The following AARS1 variants were observed in gnomAD, a reference collection of about 807,000 sequenced individuals.
AARS1 encodes alanine--tRNA ligase, cytoplasmic.
AARS1 carries 72 observed loss-of-function variants against 108.9 expected under a neutral mutation model. The ratio of observed to expected loss-of-function variants is 0.66; its 90% confidence interval spans 0.55 to 0.80. The LOEUF (loss-of-function observed/expected upper bound fraction) is 0.80. Among genes scored for constraint, AARS1 ranks in the 30% least tolerant of loss-of-function variants. The pLI, the probability that AARS1 is intolerant of heterozygous loss-of-function variation, is 0.00. For synonymous variants in AARS1, 489 were observed against 465.7 expected (o/e 1.05, Z -0.64); for missense variants, 1,193 against 1,233.2 (o/e 0.97, Z 0.49).
At chr16:70,272,914 A>G (rs1046504104) in intron 4 of AARS1, among the ~76,000 whole-genome samples, 15 of 151,610 alleles carry the variant, frequency 9.9e-5, no homozygotes, top group African/African-American at 3.4e-4. Context: ...ACACACACAC[A>G]CACACACACA....
chr16:70,267,554 C>A, intron 9 of AARS1, 105 bp downstream of exon 9: 1 of 1,405,126 alleles, frequency 7.1e-7, no homozygotes, highest in South Asian at 1.2e-5. Context: ...AAGCTATGTT[C>A]AGCCTCAGAG....
rs1385044712 is a variant in AARS1, at chr16:70,253,961, C to T, written c.2478G>A (p.Met826Ile). Residue 826 changes from methionine (M) to isoleucine (I), a missense_variant, in exon 18 of 21, where the codon ATG (methionine) becomes ATA (isoleucine). Met to Ile is a conservative substitution (Grantham distance 10). Transcript: ENST00000261772. ...RETLKSLKKVMDDLDRASKAD... is the reference protein window; with the variant it reads ...RETLKSLKKVIDDLDRASKAD... ...CTTTGCTGGCTCGGTCCAAGTCATC[C>T]ATGACCTTCTTTAGGGATTTGAGAG... 1.2e-6 allele frequency: 2 copies of T among 1,614,086 alleles called. No individual in the cohort carries two copies. The highest frequency in any genetic ancestry group is 8.5e-7 in the Non-Finnish European group (1 of 1,180,056).
At position 70,265,775 on chromosome 16, in the gene AARS1, G is replaced by A; in HGVS notation, c.1223-113C>T. ...AGGAATTAAAGACACAAGGCTATCA[G>A]TATCGGCCCTGTGTGCCCATCAGAA... is the stretch of plus-strand genomic sequence containing the variant. On this transcript the variant is annotated intron_variant, in intron 9 of 20. Transcript: ENST00000261772. The A allele has an allele frequency of 5.1e-6, 7 of 1,376,394 alleles. No homozygotes were observed. In the South Asian group the frequency reaches 6.1e-5, roughly 12 times the overall value. The allele number at this position is 1,376,394 out of a possible 1,614,324, so 85.3% of individuals were successfully genotyped here.
chr16:70,267,574 C>A, intron 9 of AARS1, 85 bp downstream of exon 9: 1 of 1,530,936 alleles, frequency 6.5e-7, no homozygotes, highest in Non-Finnish European at 9.0e-7. Flanking sequence ...GACATGAGAG[C>A]CCACAGTCAG....
At chr16:70,280,358 T>C (rs527969355) in intron 2 of AARS1, among the ~76,000 whole-genome samples, 1 of 152,220 alleles carries the variant, frequency 6.6e-6, no homozygotes, top group African/African-American at 2.4e-5. Context: ...CATAATTTTT[T>C]TGGGAGACCA....
At chr16:70,270,729 C>T (rs1960377654) in intron 5 of AARS1, among the ~76,000 whole-genome samples, 1 of 149,330 alleles carries the variant, frequency 6.7e-6, no homozygotes, top group African/African-American at 2.5e-5. Flanking sequence ...CCCAGCTACT[C>T]GGGAGGCTGA....
rs1260063279 is a variant in AARS1, at chr16:70,276,495, T to A, written c.470A>T (p.Gln157Leu). ...EADLECKQIW[Q>L]NLGLDDTKIL... Reference sequence around the variant, plus strand: ...TGATGTGCATTCTTACCCCAAATTTTGCCAGATCTGTTTGCATTCCAGATC... The same window carrying A: ...TGATGTGCATTCTTACCCCAAATTTAGCCAGATCTGTTTGCATTCCAGATC... The change falls in exon 4 of 21, where the codon CAA (glutamine) becomes CTA (leucine). Residue 157 changes from glutamine to leucine, a missense_variant. Transcript: ENST00000261772. The A allele has an allele frequency of 1.2e-6, 2 of 1,614,056 alleles. No individual in the cohort carries two copies.
At chr16:70,268,670 C>T (rs1015740354) in intron 7 of AARS1, among the ~76,000 whole-genome samples, 1 of 152,170 alleles carries the variant, frequency 6.6e-6, no homozygotes, top group African/African-American at 2.4e-5. Flanking sequence ...CCTGTGATCC[C>T]AGGTCCTGCC....
intron 16 of AARS1, 117 bp from the exon 17 acceptor site, chr16:70,254,851 C>T (rs1412230259): frequency 8.5e-6 from 6 of 709,716 alleles, no homozygotes; most frequent in African/African-American, 1.8e-5. Context: ...ACCCCAACAC[C>T]CCAAAAGTGT....
At chr16:70,271,504 G>A (rs1960401303) in intron 5 of AARS1, among the ~76,000 whole-genome samples, 1 of 151,642 alleles carries the variant, frequency 6.6e-6, no homozygotes, top group African/African-American at 2.4e-5. Flanking sequence ...CTCCAGCCTG[G>A]GTAACAAGAG....
intron 4 of AARS1, among the ~76,000 whole-genome samples, chr16:70,272,337 T>G (rs935636529): frequency 2.6e-5 from 4 of 151,138 alleles, no homozygotes; most frequent in African/African-American, 9.7e-5. Context: ...AAACCTTGTC[T>G]CTACTAAAAA....
chr16:70,278,900 C>T (rs913986308), intron 2 of AARS1, among the ~76,000 whole-genome samples: 1 of 152,062 alleles, frequency 6.6e-6, no homozygotes, highest in African/African-American at 2.4e-5. Flanking sequence ...TGGCACTTAC[C>T]GACTATGTGA....
At chr16:70,260,525 G>T (rs185816569) in intron 13 of AARS1, among the ~76,000 whole-genome samples, 3 of 152,146 alleles carry the variant, frequency 2.0e-5, no homozygotes, top group African/African-American at 7.2e-5. Flanking sequence ...CAAGTCCACG[G>T]GATCTTAACT....
At chr16:70,259,870 T>C (rs1960092395) in intron 13 of AARS1, among the ~76,000 whole-genome samples, 1 of 152,006 alleles carries the variant, frequency 6.6e-6, no homozygotes, top group South Asian at 2.1e-4. Context: ...TCTCCCGAGT[T>C]CAAGCGATTC....
chr16:70,281,599 G>A (rs1413494779), intron 2 of AARS1, among the ~76,000 whole-genome samples: 1 of 152,230 alleles, frequency 6.6e-6, no homozygotes, highest in Non-Finnish European at 1.5e-5. Context: ...TCGGGAGGCA[G>A]AGATTGCAGT....
At chr16:70,287,987 C>T (rs1197186233) in intron 1 of AARS1, among the ~76,000 whole-genome samples, 1 of 151,902 alleles carries the variant, frequency 6.6e-6, no homozygotes, top group African/African-American at 2.4e-5. Context: ...CTGGTCTCGA[C>T]CTCCTGACCT....
chr16:70,264,765 T>C (rs1960224557), intron 11 of AARS1, among the ~76,000 whole-genome samples, 193 bp downstream of exon 11: 1 of 152,082 alleles, frequency 6.6e-6, no homozygotes, highest in Admixed American at 6.6e-5. Flanking sequence ...TGACAATAAT[T>C]ATTTCAAAAT....
chr16:70,261,978 A>G (rs1960142994), intron 12 of AARS1, among the ~76,000 whole-genome samples: 1 of 152,038 alleles, frequency 6.6e-6, no homozygotes, highest in Non-Finnish European at 1.5e-5. Flanking sequence ...CGCATCTTTG[A>G]GTATCTAAAA....
In AARS1 at chr16:70,282,766, T is replaced by G. The variant is rs747635947; in HGVS notation, c.-3A>C. On this transcript the variant is annotated 5_prime_UTR_variant, in exon 2 of 21. Coordinates refer to ENST00000261772, the MANE Select transcript of AARS1 (RefSeq NM_001605.3). Reference sequence around the variant, plus strand: ...CTTGCTGTTAGAGTAGAGTCCATCTTGAAAGTCACCCCAAAGAACTAATCA... The same window carrying G: ...CTTGCTGTTAGAGTAGAGTCCATCTGGAAAGTCACCCCAAAGAACTAATCA... 1 of 1,614,002 alleles carries G rather than the reference T, an allele frequency of 6.2e-7. No homozygotes were observed. Among genetic ancestry groups the G allele is most frequent in the Non-Finnish European group, 8.5e-7 (1 of 1,179,992 alleles).
Sources: gnomAD v4.1 joint callset for allele counts (sites outside exome capture counted in the v4.1 genomes callset) on GRCh38, gnomAD v4.1.1 for gene constraint, MANE v1.5 for transcripts, NCBI Gene and HGNC (gene_info 2026-07-23, HGNC 2026-07-21) for gene names.